Variants in NOL4 observed in about 807,000 individuals in gnomAD.
NOL4 encodes cancer/testis antigen 125.
A neutral mutation model predicts 75.9 loss-of-function variants in NOL4; 17 were observed. The ratio of observed to expected loss-of-function variants is 0.22; its 90% CI spans 0.15 to 0.34. The LOEUF (loss-of-function observed/expected upper bound fraction) is 0.34, where lower values mean the gene tolerates loss of function less well. NOL4 is among the 10% of genes least tolerant of loss of function. The pLI is 1.00. For missense variants in NOL4, 614 were observed against 793.5 expected (o/e 0.77, Z 2.72); for synonymous variants, 292 against 289.9 (o/e 1.01, Z -0.07).
At chr18:33,859,079 T>TAA (rs925167225) in intron 10 of NOL4, among the ~76,000 whole-genome samples, 1 of 152,108 alleles carries the variant, frequency 6.6e-6, no homozygotes, top group African/African-American at 2.4e-5. Flanking sequence ...TTGCCTTTGT[T>TAA]AGTCTTCCCT....
chr18:33,959,291 A>G (rs1385417913), intron 6 of NOL4, among the ~76,000 whole-genome samples: 1 of 152,172 alleles, frequency 6.6e-6, no homozygotes, highest in Admixed American at 6.6e-5. Context: ...GTATATCTAC[A>G]TGTTAATGGG....
chr18:34,128,600 G>A (rs2080488519), intron 2 of NOL4, among the ~76,000 whole-genome samples: 1 of 151,844 alleles, frequency 6.6e-6, no homozygotes, highest in South Asian at 2.1e-4. Context: ...CTCCTGGAAT[G>A]TGTAAGTCAA....
At chr18:33,912,715 AT>A (rs1056607951) in intron 9 of NOL4, among the ~76,000 whole-genome samples, 1 of 152,108 alleles carries the variant, frequency 6.6e-6, no homozygotes, top group Non-Finnish European at 1.5e-5. Flanking sequence ...CAAATGCTCA[AT>A]AAATATTACT....
chr18:34,040,548 A>G (rs1182222204), intron 5 of NOL4, among the ~76,000 whole-genome samples: 1 of 152,138 alleles, frequency 6.6e-6, no homozygotes, highest in South Asian at 2.1e-4. Flanking sequence ...GAAATAAAAC[A>G]ACATGCGAGG....
chr18:34,065,519 C>T (rs888286069), intron 5 of NOL4, among the ~76,000 whole-genome samples: 1 of 151,920 alleles, frequency 6.6e-6, no homozygotes, highest in African/African-American at 2.4e-5. Flanking sequence ...TAAAGCAATG[C>T]TTCATTTTTT....
chr18:34,066,687 TA>T (rs749609846), intron 5 of NOL4, among the ~76,000 whole-genome samples: 1,883 of 139,350 alleles, frequency 0.014, 17 homozygotes, highest in East Asian at 0.016. Context: ...GCTTTTCTTC[TA>T]AAAAAAAAAA....
intron 2 of NOL4, among the ~76,000 whole-genome samples, chr18:34,113,867 GC>G (rs1481599349): frequency 7.9e-5 from 12 of 151,998 alleles, no homozygotes; most frequent in African/African-American, 2.9e-4. Context: ...CTAATGAAAG[GC>G]CTGTTCTCAT....
rs1166700129 is a variant in NOL4, at chr18:33,851,642, C to G, written c.*1200G>C. The stretch of plus-strand genomic sequence containing the variant: ...CTAAATATTTAAAAAATAGGCTTGT[C>G]TCAGTGCACAAAGAAAACATCACTC... On this transcript the variant is annotated 3_prime_UTR_variant, in exon 11 of 11. Transcript: ENST00000261592. The G allele has an allele frequency of 6.6e-6, 1 of 152,330 alleles. No homozygotes were observed. The highest frequency in any genetic ancestry group is 2.4e-5 in the African/African-American group (1 of 41,420). 9.4% of individuals were successfully genotyped at this position (152,330 alleles called of 1,614,324 possible).
At chr18:33,860,215 A>G (rs1345807339) in intron 10 of NOL4, among the ~76,000 whole-genome samples, 1 of 152,040 alleles carries the variant, frequency 6.6e-6, no homozygotes, top group Non-Finnish European at 1.5e-5. Context: ...CCCAAAACAC[A>G]TGGGGATAAT....
intron 5 of NOL4, among the ~76,000 whole-genome samples, chr18:34,030,157 G>C (rs2144641488): frequency 6.6e-6 from 1 of 152,188 alleles, no homozygotes; most frequent in African/African-American, 2.4e-5. Context: ...TGGGCTTCTA[G>C]AAAAAGGAGC....
chr18:33,972,383 A>G lies in NOL4; in HGVS notation c.1057-13965T>C, dbSNP rs76646770. Reference sequence around the variant, plus strand: ...GACAAGATGCTTAGCCTTACTAATTATCCGAAAAATGCACACCAAAACTAT... The same window carrying G: ...GACAAGATGCTTAGCCTTACTAATTGTCCGAAAAATGCACACCAAAACTAT... On this transcript the variant is annotated intron_variant, in intron 6 of 10. Coordinates refer to ENST00000261592, the MANE Select transcript of NOL4 (RefSeq NM_003787.5). 2.8e-3 allele frequency among the ~76,000 whole-genome samples: 431 copies of G among 152,270 alleles called. 2 individuals carry two copies. Among genetic ancestry groups the G allele is most frequent in the African/African-American group, 9.5e-3 (396 of 41,554 alleles).
At chr18:33,924,476 A>G (rs1184144430) in intron 9 of NOL4, among the ~76,000 whole-genome samples, 3 of 152,184 alleles carry the variant, frequency 2.0e-5, no homozygotes, top group Non-Finnish European at 4.4e-5. Flanking sequence ...CTCAGGCACC[A>G]GCATTCCTAT....
chr18:33,865,756 T>C (rs1382045910), intron 10 of NOL4, among the ~76,000 whole-genome samples: 1 of 152,142 alleles, frequency 6.6e-6, no homozygotes, highest in Non-Finnish European at 1.5e-5. Flanking sequence ...CTGCAGTCTA[T>C]GTCAAACCAA....
chr18:34,178,310 A>G (rs866288347), intron 1 of NOL4, among the ~76,000 whole-genome samples: 1 of 151,822 alleles, frequency 6.6e-6, no homozygotes, highest in African/African-American at 2.4e-5. Context: ...ATACAAAGGA[A>G]GACAGTAAAG....
At chr18:33,865,697 A>T (rs773815887) in intron 10 of NOL4, among the ~76,000 whole-genome samples, 2 of 152,104 alleles carry the variant, frequency 1.3e-5, no homozygotes, top group Admixed American at 6.6e-5. Context: ...TTACCCTTTG[A>T]TTAGAGAAAA....
intron 9 of NOL4, among the ~76,000 whole-genome samples, chr18:33,926,738 T>C (rs1219317770): frequency 1.3e-5 from 2 of 151,960 alleles, no homozygotes; most frequent in Admixed American, 6.6e-5. Context: ...GTAGCTGGGA[T>C]TAGAGGCGCC....
intron 9 of NOL4, among the ~76,000 whole-genome samples, chr18:33,904,472 T>A (rs769404485): frequency 6.6e-6 from 1 of 152,018 alleles, no homozygotes; most frequent in African/African-American, 2.4e-5. Flanking sequence ...TGTCATGTTA[T>A]CCCTCCTCCC....
At chr18:34,198,083 ACAT>A (rs1156676433) in intron 1 of NOL4, among the ~76,000 whole-genome samples, 5 of 152,106 alleles carry the variant, frequency 3.3e-5, no homozygotes, top group Admixed American at 1.3e-4. Context: ...AAACTGTTGA[ACAT>A]CAAAGAAAAT....
intron 1 of NOL4, among the ~76,000 whole-genome samples, chr18:34,146,339 C>G (rs1309431238): frequency 1.3e-5 from 2 of 152,074 alleles, no homozygotes; most frequent in Non-Finnish European, 2.9e-5. Flanking sequence ...AGGTTTTCTT[C>G]TAGGGTTTTC....
Sources: gnomAD v4.1 joint callset for allele counts (sites outside exome capture counted in the v4.1 genomes callset) on GRCh38, gnomAD v4.1.1 for gene constraint, MANE v1.5 for transcripts, NCBI Gene and HGNC (gene_info 2026-07-23, HGNC 2026-07-21) for gene names.